The following SARDH variants were observed in gnomAD, a reference collection of about 807,000 sequenced individuals.
The protein encoded by SARDH is sarcosine dehydrogenase, mitochondrial.
A neutral mutation model predicts 109.1 loss-of-function variants in SARDH; 95 were observed. That is an observed-to-expected ratio of 0.87 (90% confidence interval 0.74 to 1.03). The LOEUF (loss-of-function observed/expected upper bound fraction) is 1.03. Ranked by LOEUF, SARDH falls within the 50% of genes least tolerant of loss-of-function variation. SARDH has a pLI of 0.00. For missense variants in SARDH, 1,267 were observed against 1,287.8 expected (o/e 0.98, Z 0.25); for synonymous variants, 572 against 534.8 (o/e 1.07, Z -0.96).
At chr9:133,681,824 T>G (rs1319553338) in intron 17 of SARDH, among the ~76,000 whole-genome samples, 1 of 152,066 alleles carries the variant, frequency 6.6e-6, no homozygotes, top group Non-Finnish European at 1.5e-5. Context: ...TCCTTATGCG[T>G]GTAGCACCTC....
At chr9:133,734,718 G>A (rs1832823748) in intron 1 of SARDH, among the ~76,000 whole-genome samples, 1 of 152,232 alleles carries the variant, frequency 6.6e-6, no homozygotes, top group South Asian at 2.1e-4. Context: ...CAGGGAGGAT[G>A]GGGAGGGGAC....
intron 14 of SARDH, among the ~76,000 whole-genome samples, chr9:133,695,488 G>C (rs1411412660): frequency 3.3e-5 from 5 of 152,172 alleles, no homozygotes; most frequent in Non-Finnish European, 7.3e-5. Context: ...AAGGCCTTGT[G>C]ACACAGGCAG....
At chr9:133,701,104 T>A (rs544066111) in intron 13 of SARDH, among the ~76,000 whole-genome samples, 43 of 152,370 alleles carry the variant, frequency 2.8e-4, no homozygotes, top group African/African-American at 9.4e-4. Flanking sequence ...CCAGCCAGGC[T>A]GTGCAGGGGT....
intron 8 of SARDH, 47 bp downstream of exon 8, chr9:133,717,279 C>T (rs1277929038): frequency 2.5e-6 from 4 of 1,608,228 alleles, no homozygotes; most frequent in Non-Finnish European, 3.4e-6. Context: ...AGTCATCAGA[C>T]CAAAGGACCC....
chr9:133,679,163 A>T (rs1295590665), intron 17 of SARDH, among the ~76,000 whole-genome samples: 1 of 152,190 alleles, frequency 6.6e-6, no homozygotes, highest in Non-Finnish European at 1.5e-5. Context: ...CGTGACAGGG[A>T]ACACGGTGCC....
intron 20 of SARDH, among the ~76,000 whole-genome samples, chr9:133,665,958 C>A (rs1398221659): frequency 6.6e-6 from 1 of 152,220 alleles, no homozygotes; most frequent in Non-Finnish European, 1.5e-5. Flanking sequence ...CCCTCCTCAC[C>A]GGCACCTCTA....
rs756463258 is a variant in SARDH, at chr9:133,696,240, T to C, written c.1790A>G (p.Asp597Gly). The C allele has an allele frequency of 9.3e-6, 15 of 1,613,916 alleles. No individual in the cohort carries two copies. The South Asian group carries it at 1.4e-4, about 15-fold the overall frequency. ...CTCCATACCTGGGGGTCGGCTGACATCTGCGGAGAAGAGCCAGTCGGCAGC... is the reference window on the plus strand; with the variant it reads ...CTCCATACCTGGGGGTCGGCTGACACCTGCGGAGAAGAGCCAGTCGGCAGC... ...RKAADWLFSA[D>G]VSRPPGSTVY... Residue 597 changes from aspartate (D) to glycine (G), a missense_variant, in exon 14 of 21, where the codon GAT (aspartate) becomes GGT (glycine). Asp to Gly is a moderately conservative substitution (Grantham distance 94). Coordinates refer to ENST00000439388, the MANE Select transcript of SARDH (RefSeq NM_001134707.2).
chr9:133,732,063 G>A (rs888493996), intron 3 of SARDH, among the ~76,000 whole-genome samples: 1 of 152,176 alleles, frequency 6.6e-6, no homozygotes, highest in Non-Finnish European at 1.5e-5. Flanking sequence ...AATGAAGCCT[G>A]GCAAAGTCGC....
chr9:133,737,940 C>T (rs1184338065), intron 1 of SARDH, among the ~76,000 whole-genome samples: 1 of 152,228 alleles, frequency 6.6e-6, no homozygotes, highest in Non-Finnish European at 1.5e-5. Context: ...GGGCCTCGAG[C>T]AACAACTTAA....
At chr9:133,665,422 C>T (rs1440048244) in intron 20 of SARDH, among the ~76,000 whole-genome samples, 1 of 152,212 alleles carries the variant, frequency 6.6e-6, no homozygotes, top group African/African-American at 2.4e-5. Flanking sequence ...CCCTGCCCAC[C>T]GTGGGAGCCA....
chr9:133,719,362 A>T (rs2131468916), intron 6 of SARDH, among the ~76,000 whole-genome samples: 1 of 152,318 alleles, frequency 6.6e-6, no homozygotes, highest in East Asian at 1.9e-4. Context: ...ATGAGAGAAC[A>T]GGCAGAGGCA....
At chr9:133,730,265 TC>T in intron 4 of SARDH, 78 bp from the exon 5 acceptor site, 1 of 1,564,762 alleles carries the variant, frequency 6.4e-7, no homozygotes, top group Non-Finnish European at 8.7e-7. Context: ...AACCAACCCC[TC>T]CTCCCAGAGG....
At chr9:133,676,839 A>G (rs555828241) in intron 17 of SARDH, among the ~76,000 whole-genome samples, 2 of 152,364 alleles carry the variant, frequency 1.3e-5, no homozygotes, top group African/African-American at 4.8e-5. Context: ...GAATCCCTGC[A>G]TGGAAATCAC....
chr9:133,736,390 G>GTTTGTTTGT (rs35126944), intron 1 of SARDH, among the ~76,000 whole-genome samples: 1,620 of 150,382 alleles, frequency 0.011, 28 homozygotes, highest in African/African-American at 0.03. Context: ...TGTTGTTGTT[G>GTTTGTTTGT]TTGTTTGTTT....
intron 6 of SARDH, among the ~76,000 whole-genome samples, chr9:133,721,259 A>G (rs999009219): frequency 1.3e-5 from 2 of 152,228 alleles, no homozygotes; most frequent in Non-Finnish European, 2.9e-5. Flanking sequence ...GATGGCCAGG[A>G]GGGCCATCAA....
intron 13 of SARDH, among the ~76,000 whole-genome samples, chr9:133,698,648 A>G (rs1462329052): frequency 6.6e-6 from 1 of 152,220 alleles, no homozygotes; most frequent in Non-Finnish European, 1.5e-5. Context: ...TTGATTTTCA[A>G]CAAGGGTGCC....
At chr9:133,705,315 A>G (rs62574386) in intron 11 of SARDH, among the ~76,000 whole-genome samples, 3 of 73,884 alleles carry the variant, frequency 4.1e-5, no homozygotes, top group Admixed American at 1.6e-4. Flanking sequence ...ACCCCCATCT[A>G]TAGAATTACC....
At chr9:133,731,161 G>A in intron 4 of SARDH, 144 bp downstream of exon 4, 1 of 1,046,216 alleles carries the variant, frequency 9.6e-7, no homozygotes, top group South Asian at 1.6e-5. Flanking sequence ...GAGTGGACCA[G>A]AAGGCTCAGA....
At chr9:133,694,444 G>T in intron 14 of SARDH, 73 bp from the exon 15 acceptor site, 1 of 1,253,130 alleles carries the variant, frequency 8.0e-7, no homozygotes, top group Non-Finnish European at 1.1e-6. Context: ...GTTTCCCCAG[G>T]GCCGCTCACA....
Sources: gnomAD v4.1 joint callset for allele counts (sites outside exome capture counted in the v4.1 genomes callset) on GRCh38, gnomAD v4.1.1 for gene constraint, MANE v1.5 for transcripts, NCBI Gene and HGNC (gene_info 2026-07-23, HGNC 2026-07-21) for gene names.